DNAH5: variants seen among roughly 807,000 people sequenced by gnomAD.
The protein encoded by DNAH5 is dynein axonemal heavy chain 5, also known as axonemal beta dynein heavy chain 5.
Under a neutral mutation model 518.2 loss-of-function variants are expected in DNAH5, and 372 were observed. That is an observed-to-expected ratio of 0.72 (90% CI 0.66 to 0.78). The LOEUF (loss-of-function observed/expected upper bound fraction) is 0.78. Ranked by LOEUF, DNAH5 falls within the 30% of genes least tolerant of loss-of-function variation. The pLI is 0.00. For synonymous variants in DNAH5, 2,039 were observed against 2,025.9 expected, an observed-to-expected ratio of 1.01 and a Z score of -0.17; for missense variants, 5,523 against 5,687.0, an observed-to-expected ratio of 0.97 and a Z score of 0.93.
At chr5:13,916,270 TG>T in intron 9 of DNAH5, 77 bp downstream of exon 9, 1 of 815,670 alleles carries the variant, frequency 1.2e-6, no homozygotes, top group Non-Finnish European at 2.1e-6. Flanking sequence ...TGAGCCAATG[TG>T]GTAATTTTTA....
At chr5:13,768,360 T>C (rs1332059567) in intron 58 of DNAH5, among the ~76,000 whole-genome samples, 4 of 152,206 alleles carry the variant, frequency 2.6e-5, no homozygotes, top group Non-Finnish European at 5.9e-5. Flanking sequence ...TCTGCCATGA[T>C]CGTAAGTTTC....
At chr5:13,922,409 G>T in intron 4 of DNAH5, 81 bp from the exon 5 acceptor site, 5 of 1,347,642 alleles carry the variant, frequency 3.7e-6, no homozygotes, top group Non-Finnish European at 5.2e-6. Context: ...CTTAAATGTT[G>T]TCACTTTACC....
At chr5:13,696,588 A>T (rs1741429957) in intron 78 of DNAH5, among the ~76,000 whole-genome samples, 1 of 152,198 alleles carries the variant, frequency 6.6e-6, no homozygotes, top group East Asian at 1.9e-4. Flanking sequence ...AAAAACTGTT[A>T]ACTATAAGAA....
intron 1 of DNAH5, chr5:13,932,519 T>C (rs965391141): frequency 1.3e-5 from 2 of 152,058 alleles, no homozygotes; most frequent in African/African-American, 4.8e-5. Context: ...ATGTGTGAAC[T>C]AAAAAGGACT....
At chr5:13,877,159 G>A (rs190602083) in intron 21 of DNAH5, among the ~76,000 whole-genome samples, 21 of 152,194 alleles carry the variant, frequency 1.4e-4, no homozygotes, top group African/African-American at 4.8e-4. Flanking sequence ...ATAACTGGAG[G>A]AAAAAAACCT....
intron 47 of DNAH5, among the ~76,000 whole-genome samples, chr5:13,796,593 A>G (rs896065982): frequency 2.0e-5 from 3 of 152,246 alleles, no homozygotes; most frequent in African/African-American, 4.8e-5. Flanking sequence ...CATGGATAGA[A>G]GGAATCAATA....
chr5:13,868,022 G>C (rs1769539395), intron 24 of DNAH5, 30 bp from the exon 25 acceptor site: 1 of 1,557,564 alleles, frequency 6.4e-7, no homozygotes, highest in Non-Finnish European at 8.8e-7. Context: ...ACTTAATTTT[G>C]GCCAGTCAGA....
chr5:13,692,172 T>G (rs1374841915), intron 78 of DNAH5, 37 bp from the exon 79 acceptor site: 2 of 1,611,554 alleles, frequency 1.2e-6, no homozygotes, highest in South Asian at 2.2e-5. Context: ...TTGGTGAAAT[T>G]TCCACTTTAG....
rs1266322596 is a variant in DNAH5 at position 13,713,426 on chromosome 5, T to TAC, written c.13125+977_13125+978dup. On this transcript the variant is annotated intron_variant, in intron 75 of 78. Transcript: ENST00000265104. ...ATATATACACCGACATATATATATA[T>TAC]ACATCGACATATATATATATATATA... Among the ~76,000 whole-genome samples, 163 of 111,734 alleles carry TAC rather than the reference T, an allele frequency of 1.5e-3. 8 individuals are homozygous for TAC. Among genetic ancestry groups the TAC allele is most frequent in the African/African-American group, 5.4e-3 (148 of 27,528 alleles). The allele number at this position is 111,734 out of a possible 152,430, so 73.3% of individuals were successfully genotyped here.
chr5:13,946,877 G>A (rs1263262085), upstream of DNAH5, among the ~76,000 whole-genome samples: 2 of 152,180 alleles, frequency 1.3e-5, no homozygotes, highest in African/African-American at 2.4e-5. Context: ...CAGACGCTGC[G>A]CTATACACTA....
intron 34 of DNAH5, 105 bp from the exon 35 acceptor site, chr5:13,839,633 C>A: frequency 9.8e-7 from 1 of 1,023,942 alleles, no homozygotes. Context: ...ATGAAACTCA[C>A]AGACAACCGA....
In DNAH5 at chr5:13,853,519, A is replaced by T. The variant is rs192880032; in HGVS notation, c.4951-2704T>A. The stretch of plus-strand genomic sequence containing the variant: ...AGGGAACAAAACTGGACAGAGAATG[A>T]GTTTGACGAATTGACAGAAGTAGGC... On this transcript the variant is annotated intron_variant, in intron 30 of 78. Transcript: ENST00000265104. Among the ~76,000 whole-genome samples the T allele has an allele frequency of 1.1e-3, 169 of 152,274 alleles. 2 individuals carry two copies. The highest frequency in any genetic ancestry group is 3.6e-3 in the African/African-American group (151 of 41,560).
chr5:13,786,321 G>T lies in DNAH5; in HGVS notation c.8678C>A (p.Thr2893Lys). ...TTCAATTGGCTCATAAATTTTAGGT[G>T]TTTCAGCATCAGCCTCTTCAGATGT... ...GETSEEADAE[T>K]PKIYEPIESF... is the part of the protein sequence containing the mutation. The change falls in exon 52 of 79, where the codon ACA becomes AAA. Residue 2893 changes from threonine (T) to lysine (K), a missense_variant. Thr to Lys is a moderately conservative substitution (Grantham distance 78, BLOSUM62 -1). Around this residue, in one of 3 missense-constraint regions of DNAH5, gnomAD observed 5,121 missense variants for 5,223.3 expected, o/e 0.98. Transcript: ENST00000265104. 6.2e-7 allele frequency: 1 copy of T among 1,614,084 alleles called. No homozygotes were observed.
In DNAH5 at chr5:13,922,129, G is replaced by A. The variant is rs577456117; in HGVS notation, c.638C>T (p.Ala213Val). 6.2e-7 allele frequency: 1 copy of A among 1,614,030 alleles called. No homozygotes were observed. The highest frequency in any genetic ancestry group is 1.7e-5 in the Admixed American group (1 of 60,026). ...CACCTTCTCCTTCAGACTCTCCTGT[G>A]CACCCGACAGGACGTTCACAAAGCC... ...LEGFVNVLSGAQESLKEKVNL... is the reference protein window; with the variant it reads ...LEGFVNVLSGVQESLKEKVNL... Residue 213 changes from alanine to valine, a missense_variant, in exon 5 of 79, where the codon GCA becomes GTA. Ala to Val is a moderately conservative substitution (Grantham distance 64, BLOSUM62 0). Coordinates refer to ENST00000265104, the MANE Select transcript of DNAH5 (RefSeq NM_001369.3).
At chr5:13,791,417 T>C (rs1189056113) in intron 50 of DNAH5, among the ~76,000 whole-genome samples, 4 of 152,192 alleles carry the variant, frequency 2.6e-5, no homozygotes, top group Admixed American at 2.0e-4. Context: ...AAATGTCATA[T>C]TCAAGTGTGT....
intron 1 of DNAH5, among the ~76,000 whole-genome samples, chr5:13,958,417 T>C (rs1470025328): frequency 2.0e-5 from 3 of 152,200 alleles, no homozygotes; most frequent in African/African-American, 2.4e-5. Flanking sequence ...GTGTTTTGTT[T>C]TGTTTTTATT....
At chr5:13,916,940 G>C (rs1776710484) in intron 8 of DNAH5, among the ~76,000 whole-genome samples, 1 of 152,144 alleles carries the variant, frequency 6.6e-6, no homozygotes, top group South Asian at 2.1e-4. Flanking sequence ...ATAGGAGGTA[G>C]ACTGCTTAGA....
At chr5:13,879,754 A>T (rs1244755743) in intron 21 of DNAH5, among the ~76,000 whole-genome samples, 1 of 152,050 alleles carries the variant, frequency 6.6e-6, no homozygotes, top group African/African-American at 2.4e-5. Flanking sequence ...AAAATCATCC[A>T]ATCTGAGGAG....
intron 36 of DNAH5, 48 bp downstream of exon 36, chr5:13,830,549 T>A: frequency 6.2e-7 from 1 of 1,600,038 alleles, no homozygotes; most frequent in South Asian, 1.1e-5. Flanking sequence ...AGCAAAATAT[T>A]CCACCTTGGC....
Sources: allele counts gnomAD v4.1 joint callset (sites outside exome capture counted in the v4.1 genomes callset), GRCh38; gene constraint gnomAD v4.1.1; regional missense constraint gnomAD v4.1.1; transcripts MANE v1.5; gene names NCBI Gene and HGNC (gene_info 2026-07-23, HGNC 2026-07-21).